Variants in PPP2R2B observed in about 807,000 individuals in gnomAD.
PPP2R2B encodes the protein serine/threonine-protein phosphatase 2A 55 kDa regulatory subunit B beta isoform.
A neutral mutation model predicts 46.0 loss-of-function variants in PPP2R2B; 5 were observed. The observed-to-expected ratio is 0.11, with a 90% CI of 0.06 to 0.23. PPP2R2B has a LOEUF of 0.23. Ranked by LOEUF, PPP2R2B falls within the 10% of genes least tolerant of loss-of-function variation. The pLI, the probability that PPP2R2B is intolerant of heterozygous loss-of-function variation, is 1.00. For synonymous variants in PPP2R2B, 215 were observed against 206.7 expected (o/e 1.04, Z -0.34); for missense variants, 367 against 575.0 (o/e 0.64, Z 3.70).
At chr5:146,934,210 C>A (rs1326020114) in intron 1 of PPP2R2B, among the ~76,000 whole-genome samples, 1 of 151,834 alleles carries the variant, frequency 6.6e-6, no homozygotes, top group Non-Finnish European at 1.5e-5. Context: ...AATGGGATGG[C>A]TGGGTCAAAT....
At chr5:146,592,913 C>A in intron 9 of PPP2R2B, 58 bp downstream of exon 9, 2 of 1,514,382 alleles carry the variant, frequency 1.3e-6, no homozygotes, top group South Asian at 2.3e-5. Context: ...AGGATAAATT[C>A]CCTGAGCCTC....
exon 1 of PPP2R2B, chr5:147,081,381 G>A: frequency 7.5e-7 from 1 of 1,339,720 alleles, no homozygotes; most frequent in Non-Finnish European, 1.0e-6. Flanking sequence ...GGACCAGTTT[G>A]AACTGGAGCA....
intron 1 of PPP2R2B, among the ~76,000 whole-genome samples, chr5:147,038,162 A>C (rs940741800): frequency 1.3e-5 from 2 of 152,126 alleles, no homozygotes; most frequent in African/African-American, 4.8e-5. Context: ...GAAGTTATTG[A>C]GCTCTATTAT....
At chr5:147,033,736 T>C (rs1755903562) in intron 1 of PPP2R2B, among the ~76,000 whole-genome samples, 1 of 152,138 alleles carries the variant, frequency 6.6e-6, no homozygotes, top group Admixed American at 6.6e-5. Context: ...ACTTATCCAA[T>C]TTACTAGCAA....
intron 5 of PPP2R2B, among the ~76,000 whole-genome samples, chr5:146,674,140 A>G (rs1449715455): frequency 5.3e-5 from 8 of 152,170 alleles, no homozygotes; most frequent in Admixed American, 5.2e-4. Flanking sequence ...GCTACATATT[A>G]TTGAATGGTT....
intron 1 of PPP2R2B, among the ~76,000 whole-genome samples, chr5:146,902,746 A>G (rs931511925): frequency 7.9e-5 from 12 of 152,226 alleles, no homozygotes; most frequent in African/African-American, 2.4e-4. Context: ...CCTTAAGCTG[A>G]TAATCGTCCT....
chr5:146,615,851 T>C (rs1375974844), intron 7 of PPP2R2B, among the ~76,000 whole-genome samples: 1 of 152,078 alleles, frequency 6.6e-6, no homozygotes, highest in Non-Finnish European at 1.5e-5. Context: ...GGAATCCCTA[T>C]CAAAATACCA....
At chr5:146,625,069 C>T (rs1454226546) in intron 7 of PPP2R2B, among the ~76,000 whole-genome samples, 1 of 152,240 alleles carries the variant, frequency 6.6e-6, no homozygotes, top group East Asian at 1.9e-4. Flanking sequence ...TGTGAAGCAA[C>T]AATAAACATT....
At chr5:146,884,456 C>T (rs1043316179) in intron 1 of PPP2R2B, among the ~76,000 whole-genome samples, 3 of 152,132 alleles carry the variant, frequency 2.0e-5, no homozygotes, top group African/African-American at 4.8e-5. Context: ...TAGGAATGTT[C>T]GGTCATGCCC....
At chr5:146,724,505 T>A (rs1366894019) in intron 2 of PPP2R2B, among the ~76,000 whole-genome samples, 3 of 152,180 alleles carry the variant, frequency 2.0e-5, no homozygotes, top group Admixed American at 2.0e-4. Context: ...TAGCTATTCT[T>A]ATCAGAGCTA....
At chr5:146,604,414 C>A (rs1772067627) in intron 7 of PPP2R2B, among the ~76,000 whole-genome samples, 1 of 152,140 alleles carries the variant, frequency 6.6e-6, no homozygotes, top group East Asian at 1.9e-4. Context: ...AGAGAATCTG[C>A]TGACCTGCAA....
chr5:146,747,389 A>G (rs1753259634), intron 2 of PPP2R2B, among the ~76,000 whole-genome samples: 1 of 152,192 alleles, frequency 6.6e-6, no homozygotes, highest in Non-Finnish European at 1.5e-5. Flanking sequence ...TTCCCAATTT[A>G]TGCACCAAAG....
At chr5:146,844,649 C>T (rs1183725379) in intron 2 of PPP2R2B, among the ~76,000 whole-genome samples, 1 of 152,198 alleles carries the variant, frequency 6.6e-6, no homozygotes, top group Non-Finnish European at 1.5e-5. Flanking sequence ...ATGCAGAAAG[C>T]ACCCTGAACA....
chr5:146,712,709 C>T (rs1396524075), intron 2 of PPP2R2B, among the ~76,000 whole-genome samples: 1 of 152,160 alleles, frequency 6.6e-6, no homozygotes, highest in Non-Finnish European at 1.5e-5. Flanking sequence ...TCCTTCCTCC[C>T]TCACCACTCT....
At chr5:146,689,324 C>T (rs1237326940) in intron 5 of PPP2R2B, among the ~76,000 whole-genome samples, 1 of 152,108 alleles carries the variant, frequency 6.6e-6, no homozygotes, top group Non-Finnish European at 1.5e-5. Flanking sequence ...AGCCACATGC[C>T]ACATGATGTT....
chr5:146,801,614 G>A (rs576619683), intron 2 of PPP2R2B, among the ~76,000 whole-genome samples: 9 of 152,092 alleles, frequency 5.9e-5, no homozygotes, highest in Admixed American at 2.6e-4. Context: ...GGGTCAGGCC[G>A]CCTGCCTCTG....
chr5:146,624,486 A>G (rs906247759), intron 7 of PPP2R2B, among the ~76,000 whole-genome samples: 5 of 151,884 alleles, frequency 3.3e-5, no homozygotes, highest in African/African-American at 1.2e-4. Context: ...CAATCTCACC[A>G]TTTCCACTGT....
intron 1 of PPP2R2B, among the ~76,000 whole-genome samples, chr5:146,977,572 G>C (rs1752975954): frequency 6.6e-6 from 1 of 152,048 alleles, no homozygotes; most frequent in Non-Finnish European, 1.5e-5. Flanking sequence ...TCCCCTCACT[G>C]TGTCCATGTG....
intron 2 of PPP2R2B, among the ~76,000 whole-genome samples, chr5:146,754,641 A>T (rs558293115): frequency 1.2e-4 from 19 of 152,316 alleles, no homozygotes; most frequent in Non-Finnish European, 2.4e-4. Flanking sequence ...AGACTAGGTA[A>T]TAAAAAGGTA....
Sources: allele counts gnomAD v4.1 joint callset (sites outside exome capture counted in the v4.1 genomes callset), GRCh38; gene constraint gnomAD v4.1.1; transcripts MANE v1.5; gene names NCBI Gene and HGNC (gene_info 2026-07-23, HGNC 2026-07-21).